The following BCAS1 variants were observed in gnomAD, a reference collection of about 807,000 sequenced individuals.
The protein encoded by BCAS1 is breast carcinoma-amplified sequence 1.
Under a neutral mutation model 65.4 loss-of-function variants are expected in BCAS1, and 46 were observed. The observed-to-expected ratio is 0.70, with a 90% CI of 0.55 to 0.90. The LOEUF (loss-of-function observed/expected upper bound fraction) is 0.90. Ranked by LOEUF, BCAS1 falls within the 40% of genes least tolerant of loss-of-function variation. The pLI is 0.00. For synonymous variants in BCAS1, 298 were observed against 293.5 expected, an observed-to-expected ratio of 1.02 and a Z score of -0.16; for missense variants, 793 against 771.2, an observed-to-expected ratio of 1.03 and a Z score of -0.33.
chr20:54,058,593 C>CTTTT lies in BCAS1; in HGVS notation c.72+50_72+53dup, dbSNP rs3043223. The CTTTT allele has an allele frequency of 5.4e-3, 6,634 of 1,221,714 alleles. 37 individuals are homozygous for CTTTT. The highest frequency in any genetic ancestry group is 0.019 in the South Asian group (1,242 of 64,382). The allele number at this position is 1,221,714 out of a possible 1,614,324, so 75.7% of individuals were successfully genotyped here. A position where few individuals can be genotyped will look rare whatever the true frequency, so the allele number is the denominator to read the frequency against. ...ACACACTTGTCAAATACAGGAAGTTCTTTTTTTTTTTTTTTTTTTTCTGCT... is the reference window on the plus strand; with the variant it reads ...ACACACTTGTCAAATACAGGAAGTTCTTTTTTTTTTTTTTTTTTTTTTTTCTGCT... On this transcript the variant is annotated intron_variant, in intron 2 of 12. Transcript: ENST00000688948.
chr20:53,972,011 T>C lies in BCAS1; in HGVS notation c.1317+3378A>G, dbSNP rs142885252. 2.5e-3 allele frequency among the ~76,000 whole-genome samples: 386 copies of C among 152,368 alleles called. 2 individuals carry two copies. The highest frequency in any genetic ancestry group is 9.1e-3 in the African/African-American group (379 of 41,586). On this transcript the variant is annotated intron_variant, in intron 9 of 12. Transcript: ENST00000688948. ...CCACAGGCTTCAAAATCCTTATTTT[T>C]CTTTCTGTGAGAAACTTTGAGAAAT... is the stretch of plus-strand genomic sequence containing the variant.
intron 3 of BCAS1, among the ~76,000 whole-genome samples, chr20:54,047,306 T>C (rs1430710061): frequency 6.6e-6 from 1 of 152,200 alleles, no homozygotes; most frequent in Admixed American, 6.5e-5. Flanking sequence ...TCCCTTCTAC[T>C]ACATACTGTT....
intron 2 of BCAS1, 41 bp downstream of exon 2, chr20:54,058,606 T>C: frequency 6.7e-7 from 1 of 1,493,160 alleles, no homozygotes; most frequent in Admixed American, 2.3e-5. Context: ...TTTTTTTTTT[T>C]TTTTTTTCTG....
chr20:53,974,755 C>G (rs2090279855), intron 9 of BCAS1, among the ~76,000 whole-genome samples: 1 of 152,168 alleles, frequency 6.6e-6, no homozygotes, highest in South Asian at 2.1e-4. Flanking sequence ...TATTAATCTC[C>G]CTGGAAGCTA....
At chr20:54,029,896 A>G (rs1428517214) in intron 3 of BCAS1, among the ~76,000 whole-genome samples, 1 of 152,230 alleles carries the variant, frequency 6.6e-6, no homozygotes, top group Non-Finnish European at 1.5e-5. Context: ...TTGTATTAGC[A>G]TAGACTGTTA....
intron 4 of BCAS1, among the ~76,000 whole-genome samples, chr20:54,014,578 A>T (rs1222777212): frequency 6.6e-6 from 1 of 152,216 alleles, no homozygotes; most frequent in African/African-American, 2.4e-5. Flanking sequence ...AGATTTCCTC[A>T]TTGTGTAGCA....
chr20:53,994,593 T>G (rs1321012606), intron 6 of BCAS1, among the ~76,000 whole-genome samples: 4 of 152,138 alleles, frequency 2.6e-5, no homozygotes, highest in African/African-American at 7.2e-5. Context: ...TTCTACTTTA[T>G]TTTTTTAGAG....
intron 12 of BCAS1, among the ~76,000 whole-genome samples, chr20:53,952,605 A>T (rs930026875): frequency 9.9e-5 from 15 of 152,126 alleles, no homozygotes; most frequent in African/African-American, 3.4e-4. Flanking sequence ...ACAAACCAAA[A>T]CCTACCTTAT....
chr20:53,966,837 A>G, intron 10 of BCAS1, 69 bp downstream of exon 10: 1 of 1,430,340 alleles, frequency 7.0e-7, no homozygotes, highest in Non-Finnish European at 9.5e-7. Flanking sequence ...TACCTGTGGC[A>G]TGAGCCCATT....
intron 12 of BCAS1, 38 bp downstream of exon 12, chr20:53,953,394 G>A (rs1249976882): frequency 1.2e-6 from 2 of 1,609,624 alleles, no homozygotes; most frequent in Admixed American, 1.7e-5. Flanking sequence ...TGGGGAAGGA[G>A]AGAGCCCAGA....
intron 9 of BCAS1, among the ~76,000 whole-genome samples, chr20:53,970,549 T>G (rs2090153450): frequency 1.3e-5 from 2 of 152,234 alleles, no homozygotes; most frequent in Admixed American, 1.3e-4. Flanking sequence ...TAATTTTGGA[T>G]ATCATGAATG....
At chr20:54,064,829 GT>G (rs1187497581) in intron 1 of BCAS1, among the ~76,000 whole-genome samples, 1 of 152,200 alleles carries the variant, frequency 6.6e-6, no homozygotes, top group Admixed American at 6.5e-5. Flanking sequence ...TGTTTTCTCT[GT>G]GCTGAGCAGT....
intron 1 of BCAS1, among the ~76,000 whole-genome samples, chr20:54,059,487 C>T (rs1424815548): frequency 7.5e-6 from 1 of 132,870 alleles, no homozygotes; most frequent in South Asian, 2.5e-4. Flanking sequence ...TTTTACACTA[C>T]GGCCTTTTTT....
chr20:54,062,356 C>A (rs2092386222), intron 1 of BCAS1, among the ~76,000 whole-genome samples: 1 of 152,186 alleles, frequency 6.6e-6, no homozygotes, highest in Non-Finnish European at 1.5e-5. Context: ...TGCAGCAATT[C>A]AACAAGACAG....
At chr20:53,954,493 C>T (rs900188581) in intron 11 of BCAS1, among the ~76,000 whole-genome samples, 1 of 152,160 alleles carries the variant, frequency 6.6e-6, no homozygotes, top group African/African-American at 2.4e-5. Flanking sequence ...TTACATCTAC[C>T]CTAATTTTTG....
intron 3 of BCAS1, among the ~76,000 whole-genome samples, chr20:54,038,790 G>A (rs2146188649): frequency 6.6e-6 from 1 of 151,406 alleles, no homozygotes; most frequent in East Asian, 1.9e-4. Flanking sequence ...ATCCTGATCT[G>A]TCAGGATTCA....
chr20:54,010,742 G>A (rs1487716456), intron 4 of BCAS1, among the ~76,000 whole-genome samples: 1 of 152,134 alleles, frequency 6.6e-6, no homozygotes, highest in Non-Finnish European at 1.5e-5. Context: ...AGAGATAGAT[G>A]AGGTTATTCT....
At chr20:53,977,274 C>T (rs1451557366) in intron 8 of BCAS1, among the ~76,000 whole-genome samples, 1 of 152,158 alleles carries the variant, frequency 6.6e-6, no homozygotes, top group Non-Finnish European at 1.5e-5. Context: ...TGGGTGGGGA[C>T]ACAGCCAAAC....
rs989022289 is a variant in BCAS1 at position 54,066,352 on chromosome 20, G to T, written c.-6+4081C>A. Among the ~76,000 whole-genome samples, 3 of 152,166 alleles carry T rather than the reference G, an allele frequency of 2.0e-5. 1 individual carries two copies. The highest frequency in any genetic ancestry group is 4.1e-4 in the South Asian group (2 of 4,832). ...CTCCCAAAGTGCTGGGATTACAGGC[G>T]TGAGCCACCGGGCCCGGCCGAGGCA... On this transcript the variant is annotated intron_variant, in intron 1 of 12. Transcript: ENST00000688948.
Sources: allele counts gnomAD v4.1 joint callset (sites outside exome capture counted in the v4.1 genomes callset), GRCh38; gene constraint gnomAD v4.1.1; transcripts MANE v1.5; gene names NCBI Gene and HGNC (gene_info 2026-07-23, HGNC 2026-07-21).